The following CSMD1 variants were observed in gnomAD, a reference collection of about 807,000 sequenced individuals.
CSMD1 encodes CUB and sushi domain-containing protein 1.
CSMD1 carries 213 observed loss-of-function variants against 417.5 expected under a neutral mutation model. The ratio of observed to expected loss-of-function variants is 0.51; its 90% CI spans 0.46 to 0.57. CSMD1 has a LOEUF of 0.57. Ranked by LOEUF, CSMD1 falls within the 20% of genes least tolerant of loss-of-function variation. CSMD1 has a pLI of 0.00. For missense variants in CSMD1, 6,923 were observed against 4,529.7 expected, an observed-to-expected ratio of 1.53 and a Z score of -15.17; for synonymous variants, 2,862 against 1,736.8, an observed-to-expected ratio of 1.65 and a Z score of -16.11.
At chr8:3,154,422 T>A (rs932874986) in intron 39 of CSMD1, among the ~76,000 whole-genome samples, 2 of 152,250 alleles carry the variant, frequency 1.3e-5, no homozygotes, top group Admixed American at 6.5e-5. Context: ...GTAAATAGCA[T>A]ATTTAGAGTT....
intron 64 of CSMD1, among the ~76,000 whole-genome samples, chr8:2,955,038 C>G (rs750662657): frequency 6.6e-6 from 1 of 152,174 alleles, no homozygotes; most frequent in Non-Finnish European, 1.5e-5. Flanking sequence ...GCTGATGACT[C>G]TCACTTGTAA....
intron 5 of CSMD1, among the ~76,000 whole-genome samples, chr8:3,870,693 A>G (rs1263899297): frequency 6.6e-6 from 1 of 152,162 alleles, no homozygotes; most frequent in East Asian, 1.9e-4. Context: ...GTTAAGTATT[A>G]TCTGATTTAT....
chr8:4,451,684 G>A (rs900732037), intron 2 of CSMD1, among the ~76,000 whole-genome samples: 3 of 152,070 alleles, frequency 2.0e-5, no homozygotes, highest in African/African-American at 7.2e-5. Context: ...TGATGACCAT[G>A]AAATATCAGT....
chr8:4,129,440 T>TGA (rs769056114), intron 3 of CSMD1, among the ~76,000 whole-genome samples: 4 of 152,196 alleles, frequency 2.6e-5, no homozygotes, highest in Non-Finnish European at 4.4e-5. Context: ...GTAGATGTAC[T>TGA]GAGACAGGTG....
intron 2 of CSMD1, among the ~76,000 whole-genome samples, chr8:4,487,072 G>A (rs1050675314): frequency 6.6e-6 from 1 of 152,090 alleles, no homozygotes; most frequent in African/African-American, 2.4e-5. Flanking sequence ...TTAAGTTGGA[G>A]AATTTTTTTT....
chr8:3,664,279 C>T (rs1328424069), intron 7 of CSMD1, among the ~76,000 whole-genome samples: 2 of 152,068 alleles, frequency 1.3e-5, no homozygotes, highest in Non-Finnish European at 2.9e-5. Context: ...AGAGAACATG[C>T]GGTGTTTGGT....
intron 3 of CSMD1, among the ~76,000 whole-genome samples, chr8:4,155,624 C>G (rs965581212): frequency 2.0e-5 from 3 of 152,124 alleles, no homozygotes; most frequent in African/African-American, 7.2e-5. Context: ...GATTTTTTAT[C>G]ACTCTTGGTT....
chr8:3,284,203 G>A lies in CSMD1; in HGVS notation c.4094C>T (p.Thr1365Ile). ...EDIHSTFNSL[T>I]LQFDSDFFIS... The stretch of plus-strand genomic sequence containing the variant: ...GAAGAAGTCGCTGTCGAACTGCAGG[G>A]TGAGTGAGTTGAAGGTGCTGTGGAT... Residue 1365 changes from threonine (T) to isoleucine (I), a missense_variant, in exon 26 of 70, where the codon ACC becomes ATC. Thr to Ile is a moderately conservative substitution (Grantham distance 89). Coordinates refer to ENST00000635120, the MANE Select transcript of CSMD1 (RefSeq NM_033225.6). 2 of 1,608,166 alleles carry A rather than the reference G, an allele frequency of 1.2e-6. No homozygotes were observed. The highest frequency in any genetic ancestry group is 1.7e-6 in the Non-Finnish European group (2 of 1,177,430).
At chr8:4,529,415 T>C (rs558159601) in intron 2 of CSMD1, among the ~76,000 whole-genome samples, 1 of 152,178 alleles carries the variant, frequency 6.6e-6, no homozygotes, top group Non-Finnish European at 1.5e-5. Context: ...TGTTTTCTTC[T>C]GAAAAAAATT....
At chr8:4,069,285 G>A (rs189732303) in intron 3 of CSMD1, among the ~76,000 whole-genome samples, 16 of 152,266 alleles carry the variant, frequency 1.1e-4, no homozygotes, top group African/African-American at 3.9e-4. Flanking sequence ...CTAGTAGGAG[G>A]TCATTATTTT....
intron 3 of CSMD1, among the ~76,000 whole-genome samples, chr8:4,173,422 G>C (rs770220666): frequency 3.9e-5 from 6 of 152,042 alleles, no homozygotes; most frequent in Non-Finnish European, 8.8e-5. Flanking sequence ...TGACTACAGA[G>C]GTAAAGGTCA....
chr8:3,886,510 T>C (rs1412914231), intron 5 of CSMD1, among the ~76,000 whole-genome samples: 1 of 152,210 alleles, frequency 6.6e-6, no homozygotes, highest in Admixed American at 6.5e-5. Flanking sequence ...TACCCAGCAG[T>C]GCTGCTGAAG....
At position 4,636,632 on chromosome 8, in the gene CSMD1, C is replaced by A. The variant is rs543515580; in HGVS notation, c.302+710G>T. Among the ~76,000 whole-genome samples, 3 of 152,268 alleles carry A rather than the reference C, an allele frequency of 2.0e-5. No homozygotes were observed. The East Asian group carries it at 5.8e-4, about 29-fold the overall frequency. ...GTGTATTATAATTTTATTTAAATTA[C>A]CTTGACAACTCTGTTTCACAGATCT... On this transcript the variant is annotated intron_variant, in intron 2 of 69. Transcript: ENST00000635120.
At chr8:4,163,861 C>T (rs955264364) in intron 3 of CSMD1, among the ~76,000 whole-genome samples, 7 of 152,088 alleles carry the variant, frequency 4.6e-5, no homozygotes, top group African/African-American at 1.7e-4. Flanking sequence ...ACTCTAAATA[C>T]CATGCCATGA....
chr8:4,011,895 G>T (rs901384990), intron 4 of CSMD1, among the ~76,000 whole-genome samples: 3 of 151,996 alleles, frequency 2.0e-5, no homozygotes, highest in South Asian at 4.2e-4. Flanking sequence ...ATATAAAATG[G>T]AATTTTATTT....
intron 1 of CSMD1, among the ~76,000 whole-genome samples, chr8:4,692,576 T>C (rs145479740): frequency 6.6e-6 from 1 of 152,212 alleles, no homozygotes; most frequent in African/African-American, 2.4e-5. Context: ...CTGTGAGCCA[T>C]GGGTGAGAGC....
chr8:4,461,189 T>C (rs1035370314), intron 2 of CSMD1, among the ~76,000 whole-genome samples: 1 of 151,986 alleles, frequency 6.6e-6, no homozygotes, highest in Non-Finnish European at 1.5e-5. Flanking sequence ...AAATTCAACA[T>C]TCTTTGATGA....
chr8:2,984,784 T>C (rs1304551023), intron 54 of CSMD1, among the ~76,000 whole-genome samples: 1 of 152,246 alleles, frequency 6.6e-6, no homozygotes, highest in African/African-American at 2.4e-5. Flanking sequence ...GCAAAGCACA[T>C]GGGTTTGGAG....
At chr8:3,438,522 T>A (rs1353358445) in intron 12 of CSMD1, among the ~76,000 whole-genome samples, 1 of 152,180 alleles carries the variant, frequency 6.6e-6, no homozygotes, top group East Asian at 1.9e-4. Flanking sequence ...TGGGATTGAC[T>A]TTTTTGGTCA....
Sources: gnomAD v4.1 joint callset for allele counts (sites outside exome capture counted in the v4.1 genomes callset) on GRCh38, gnomAD v4.1.1 for gene constraint, MANE v1.5 for transcripts, NCBI Gene and HGNC (gene_info 2026-07-23, HGNC 2026-07-21) for gene names.